Variants in DGKB observed in about 807,000 individuals in gnomAD.
DGKB encodes 90 kDa diacylglycerol kinase.
In DGKB, 67 loss-of-function variants were observed where a neutral mutation model predicts 114.3. The ratio of observed to expected loss-of-function variants is 0.59; its 90% CI spans 0.48 to 0.72. The LOEUF is 0.72. DGKB is among the 30% of genes least tolerant of loss of function. The pLI, the probability that DGKB is intolerant of heterozygous loss-of-function variation, is 0.00. For synonymous variants in DGKB, 398 were observed against 323.1 expected (o/e 1.23, Z -2.49); for missense variants, 907 against 975.2 (o/e 0.93, Z 0.93).
intron 21 of DGKB, among the ~76,000 whole-genome samples, chr7:14,366,446 C>A (rs990487127): frequency 2.0e-5 from 3 of 152,092 alleles, no homozygotes; most frequent in Non-Finnish European, 2.9e-5. Flanking sequence ...ATACTCCTGC[C>A]CCAGGCAAAC....
intron 17 of DGKB, among the ~76,000 whole-genome samples, chr7:14,600,288 T>C (rs1803309773): frequency 6.6e-6 from 1 of 152,174 alleles, no homozygotes; most frequent in African/African-American, 2.4e-5. Flanking sequence ...CATTTGCTCA[T>C]TGCTCCACCT....
chr7:14,396,002 T>A (rs1204195174), intron 21 of DGKB, among the ~76,000 whole-genome samples: 1 of 152,092 alleles, frequency 6.6e-6, no homozygotes, highest in Non-Finnish European at 1.5e-5. Flanking sequence ...TTCCTCATTA[T>A]GAGTCATCAA....
At chr7:14,298,233 A>T (rs187339393) in intron 23 of DGKB, among the ~76,000 whole-genome samples, 1 of 152,258 alleles carries the variant, frequency 6.6e-6, no homozygotes, top group East Asian at 1.9e-4. Flanking sequence ...ACCAAAAAAG[A>T]GCCTGTATAG....
At chr7:14,640,450 C>T (rs778181335) in intron 13 of DGKB, among the ~76,000 whole-genome samples, 1 of 152,086 alleles carries the variant, frequency 6.6e-6, no homozygotes, top group Admixed American at 6.5e-5. Flanking sequence ...GGTACAGAGC[C>T]GTAATCTTCC....
At chr7:14,682,946 C>T in intron 10 of DGKB, 105 bp from the exon 11 acceptor site, 2 of 742,970 alleles carry the variant, frequency 2.7e-6, no homozygotes, top group Non-Finnish European at 4.6e-6. Flanking sequence ...TCCACTGCTC[C>T]CTAATCAATC....
chr7:14,822,372 A>T (rs1845065488), intron 2 of DGKB, among the ~76,000 whole-genome samples: 1 of 152,144 alleles, frequency 6.6e-6, no homozygotes, highest in South Asian at 2.1e-4. Context: ...TAGAAGGAAG[A>T]CTTTAAAAAG....
At chr7:14,278,079 T>A (rs1799297929) in intron 23 of DGKB, among the ~76,000 whole-genome samples, 1 of 152,170 alleles carries the variant, frequency 6.6e-6, no homozygotes, top group African/African-American at 2.4e-5. Flanking sequence ...TTTTCAGAAA[T>A]GTCTACAGAT....
chr7:14,928,408 TGTTCAC>T (rs1487378641), intron 1 of DGKB, among the ~76,000 whole-genome samples: 1 of 151,972 alleles, frequency 6.6e-6, no homozygotes, highest in Non-Finnish European at 1.5e-5. Flanking sequence ...TTGTTTCCTC[TGTTCAC>T]TCAAAAATAA....
chr7:14,307,522 A>T (rs1804690198), intron 23 of DGKB, among the ~76,000 whole-genome samples: 1 of 152,198 alleles, frequency 6.6e-6, no homozygotes, highest in Non-Finnish European at 1.5e-5. Flanking sequence ...GCATATAGGC[A>T]AAGAACAGCT....
chr7:14,605,482 AACC>A (rs1263735457), intron 17 of DGKB, among the ~76,000 whole-genome samples: 2 of 151,440 alleles, frequency 1.3e-5, no homozygotes, highest in African/African-American at 4.8e-5. Flanking sequence ...TACAGCAAAC[AACC>A]ACAATAATAA....
At chr7:14,260,819 G>C (rs1796667462) in intron 23 of DGKB, among the ~76,000 whole-genome samples, 1 of 152,114 alleles carries the variant, frequency 6.6e-6, no homozygotes, top group Non-Finnish European at 1.5e-5. Context: ...TATCAGGTAA[G>C]GTTATAATTA....
intron 21 of DGKB, among the ~76,000 whole-genome samples, chr7:14,385,636 C>T (rs191061380): frequency 3.6e-4 from 55 of 152,244 alleles, no homozygotes; most frequent in East Asian, 1.2e-3. Flanking sequence ...CATTGGCAGT[C>T]GCAGATCTCT....
At chr7:14,886,184 G>C (rs1031293944) in intron 1 of DGKB, among the ~76,000 whole-genome samples, 9 of 151,836 alleles carry the variant, frequency 5.9e-5, no homozygotes, top group African/African-American at 2.2e-4. Flanking sequence ...AGAGGCAACA[G>C]AGACAGAAAA....
chr7:14,441,228 TTGAAC>T (rs1830049509), intron 21 of DGKB, among the ~76,000 whole-genome samples: 2 of 152,156 alleles, frequency 1.3e-5, no homozygotes, highest in Admixed American at 6.6e-5. Flanking sequence ...TAGGCTGGTC[TTGAAC>T]TGAACTCAAC....
chr7:14,455,457 A>G (rs569777517), intron 21 of DGKB, among the ~76,000 whole-genome samples: 32 of 152,200 alleles, frequency 2.1e-4, no homozygotes, highest in African/African-American at 6.3e-4. Context: ...ATGTCTTACC[A>G]TAACATTATT....
chr7:14,621,237 A>C (rs190462031), intron 15 of DGKB, 141 bp downstream of exon 15: 1 of 579,564 alleles, frequency 1.7e-6, no homozygotes, highest in Non-Finnish European at 3.0e-6. Flanking sequence ...ATCTTGATAA[A>C]TTAATAAAGA....
chr7:14,806,335 A>G (rs542738906), intron 2 of DGKB, among the ~76,000 whole-genome samples: 44 of 152,216 alleles, frequency 2.9e-4, no homozygotes, highest in Non-Finnish European at 5.4e-4. Context: ...CTATATATAC[A>G]TTATATGGCT....
At chr7:14,797,805 T>C (rs1325307748) in intron 2 of DGKB, among the ~76,000 whole-genome samples, 1 of 152,094 alleles carries the variant, frequency 6.6e-6, no homozygotes, top group Non-Finnish European at 1.5e-5. Flanking sequence ...TGGTGCTCAG[T>C]GGCTCCTTCT....
chr7:14,610,588 A>G (rs1442893737), intron 16 of DGKB, among the ~76,000 whole-genome samples: 1 of 152,046 alleles, frequency 6.6e-6, no homozygotes, highest in Non-Finnish European at 1.5e-5. Flanking sequence ...TGATTATTTT[A>G]TAAACAAATT....
Sources: gnomAD v4.1 joint callset for allele counts (sites outside exome capture counted in the v4.1 genomes callset) on GRCh38, gnomAD v4.1.1 for gene constraint, MANE v1.5 for transcripts, NCBI Gene and HGNC (gene_info 2026-07-23, HGNC 2026-07-21) for gene names.